The following AVEN variants were observed in gnomAD, a reference collection of about 807,000 sequenced individuals.
AVEN encodes the protein cell death regulator Aven.
Under a neutral mutation model 38.1 loss-of-function variants are expected in AVEN, and 41 were observed. That is an observed-to-expected ratio of 1.08 (90% CI 0.84 to 1.40). The LOEUF is 1.40. AVEN is among the 40% of genes most tolerant of loss of function. The pLI, the probability that AVEN is intolerant of heterozygous loss-of-function variation, is 0.00. For missense variants in AVEN, 605 were observed against 438.8 expected (o/e 1.38, Z -3.38); for synonymous variants, 206 against 171.8 (o/e 1.20, Z -1.56).
At chr15:33,857,888 G>T (rs762353653), downstream of AVEN, 1 of 1,614,194 alleles carries the variant, frequency 6.2e-7, no homozygotes, top group African/African-American at 1.3e-5. Flanking sequence ...TGACGAGCCC[G>T]ATATGAAGTG....
intron 2 of AVEN, among the ~76,000 whole-genome samples, chr15:33,881,721 T>C (rs1891492882): frequency 6.6e-6 from 1 of 152,234 alleles, no homozygotes; most frequent in Non-Finnish European, 1.5e-5. Context: ...ATATCTTATA[T>C]ACCAGACATA....
chr15:34,057,522 C>G (rs1421417074), intron 5 of AVEN, among the ~76,000 whole-genome samples: 25 of 152,162 alleles, frequency 1.6e-4, no homozygotes, highest in Admixed American at 1.6e-3. Context: ...TGGCTGAATA[C>G]AACATGGGTT....
At chr15:33,874,610 A>G (rs1891143190) in intron 3 of AVEN, among the ~76,000 whole-genome samples, 1 of 152,130 alleles carries the variant, frequency 6.6e-6, no homozygotes, top group Non-Finnish European at 1.5e-5. Context: ...ATTCTTTTTC[A>G]TGTATTAGGT....
intron 1 of AVEN, among the ~76,000 whole-genome samples, chr15:34,026,673 A>C (rs892909713): frequency 2.6e-5 from 4 of 152,026 alleles, no homozygotes; most frequent in Admixed American, 6.6e-5. Context: ...AGAGGAAAAA[A>C]AATGATAGAC....
At chr15:33,861,964 C>G (rs1177197613), downstream of AVEN, among the ~76,000 whole-genome samples, 1 of 152,038 alleles carries the variant, frequency 6.6e-6, no homozygotes, top group Non-Finnish European at 1.5e-5. Flanking sequence ...TGCCTGGCAC[C>G]CAGTAGGCAA....
At chr15:33,913,183 C>G (rs569749417) in intron 2 of AVEN, among the ~76,000 whole-genome samples, 2 of 152,218 alleles carry the variant, frequency 1.3e-5, no homozygotes, top group South Asian at 2.1e-4. Flanking sequence ...GCCACTGTGC[C>G]CAGCTGGCAT....
intron 5 of AVEN, among the ~76,000 whole-genome samples, chr15:34,055,138 G>A (rs776953458): frequency 2.5e-4 from 37 of 150,106 alleles, no homozygotes; most frequent in Middle Eastern, 3.4e-3. Context: ...ATTGCGGTGA[G>A]CCGAGATCAC....
intron 2 of AVEN, among the ~76,000 whole-genome samples, chr15:33,932,216 A>T (rs1206364197): frequency 6.6e-6 from 1 of 152,208 alleles, no homozygotes; most frequent in Non-Finnish European, 1.5e-5. Flanking sequence ...TTTGTAACTT[A>T]TACTAAATAA....
intron 3 of AVEN, 54 bp from the exon 4 acceptor site, chr15:33,871,084 G>C (rs1200892253): frequency 3.5e-6 from 4 of 1,146,130 alleles, no homozygotes; most frequent in African/African-American, 1.6e-5. Flanking sequence ...ATGACCTTTT[G>C]GAAATAAAAG....
At chr15:33,966,219 T>A (rs561685607) in intron 2 of AVEN, among the ~76,000 whole-genome samples, 9 of 152,254 alleles carry the variant, frequency 5.9e-5, no homozygotes, top group Non-Finnish European at 8.8e-5. Context: ...TATGTTGACA[T>A]TGTATTATAA....
At chr15:33,869,944 T>C (rs549308774) in intron 4 of AVEN, among the ~76,000 whole-genome samples, 1 of 152,140 alleles carries the variant, frequency 6.6e-6, no homozygotes, top group Non-Finnish European at 1.5e-5. Flanking sequence ...TGAATTTGTA[T>C]TTCTAGCCCT....
intron 2 of AVEN, among the ~76,000 whole-genome samples, chr15:33,898,157 C>G (rs928129508): frequency 6.6e-6 from 1 of 152,186 alleles, no homozygotes; most frequent in Non-Finnish European, 1.5e-5. Context: ...CCACTGCACT[C>G]CAGCCTGGGC....
At chr15:33,895,206 T>C (rs539452070) in intron 2 of AVEN, among the ~76,000 whole-genome samples, 9 of 152,200 alleles carry the variant, frequency 5.9e-5, no homozygotes, top group Non-Finnish European at 7.3e-5. Context: ...TTGGGCTGAT[T>C]TTTTTATCTT....
chr15:33,861,023 C>G (rs1016285927), intron 11 of AVEN: 1 of 1,284,904 alleles, frequency 7.8e-7, no homozygotes. Flanking sequence ...TGACAGTTTT[C>G]TCTCCTGCCT....
At chr15:33,873,694 A>G (rs1320863312) in intron 3 of AVEN, among the ~76,000 whole-genome samples, 1 of 151,918 alleles carries the variant, frequency 6.6e-6, no homozygotes, top group Non-Finnish European at 1.5e-5. Flanking sequence ...TGATGGTGAA[A>G]TGAATTCAGT....
At chr15:33,863,330 G>C (rs537810692), downstream of AVEN, among the ~76,000 whole-genome samples, 36 of 152,274 alleles carry the variant, frequency 2.4e-4, no homozygotes, top group African/African-American at 7.7e-4. Context: ...GAAAGGCAGT[G>C]AACATACTTA....
chr15:34,030,310 A>T (rs1411210584), intron 1 of AVEN, among the ~76,000 whole-genome samples: 2 of 152,168 alleles, frequency 1.3e-5, no homozygotes, highest in Non-Finnish European at 1.5e-5. Context: ...TTCACATTGC[A>T]TGAAACTTTT....
chr15:33,953,478 A>G (rs1271399287), intron 2 of AVEN, among the ~76,000 whole-genome samples: 1 of 152,196 alleles, frequency 6.6e-6, no homozygotes, highest in African/African-American at 2.4e-5. Flanking sequence ...CCTCAGAAAT[A>G]ACACCACACA....
At chr15:34,036,487 A>G (rs1238189643) in intron 1 of AVEN, among the ~76,000 whole-genome samples, 2 of 152,210 alleles carry the variant, frequency 1.3e-5, no homozygotes, top group South Asian at 2.1e-4. Context: ...CAAATGCACC[A>G]TGGGATATGA....
Sources: gnomAD v4.1 joint callset for allele counts (sites outside exome capture counted in the v4.1 genomes callset) on GRCh38, gnomAD v4.1.1 for gene constraint, MANE v1.5 for transcripts, NCBI Gene and HGNC (gene_info 2026-07-23, HGNC 2026-07-21) for gene names.